The following RASAL2 variants were observed in gnomAD, a reference collection of about 807,000 sequenced individuals.
RASAL2 encodes the protein RAS protein activator like 2.
In RASAL2, 58 loss-of-function variants were observed where a neutral mutation model predicts 128.9. That is an observed-to-expected ratio of 0.45 (90% CI 0.36 to 0.56). The LOEUF is 0.56. Among genes scored for constraint, RASAL2 ranks in the 20% least tolerant of loss-of-function variants. The probability of loss-of-function intolerance (pLI) is 0.00; values close to 1 mark genes in which losing one functional copy is unlikely to be tolerated. For synonymous variants in RASAL2, 561 were observed against 580.8 expected, an observed-to-expected ratio of 0.97 and a Z score of 0.49; for missense variants, 1,360 against 1,601.6, an observed-to-expected ratio of 0.85 and a Z score of 2.57.
At chr1:178,147,162 G>T (rs1005724563) in intron 1 of RASAL2, among the ~76,000 whole-genome samples, 1 of 152,036 alleles carries the variant, frequency 6.6e-6, no homozygotes, top group Non-Finnish European at 1.5e-5. Flanking sequence ...TATTTTAATT[G>T]TCTTCATCTC....
intron 1 of RASAL2, among the ~76,000 whole-genome samples, chr1:178,160,200 ACAT>A (rs1661230962): frequency 1.3e-5 from 2 of 151,832 alleles, no homozygotes; most frequent in South Asian, 4.1e-4. Context: ...GAAAAAAGAA[ACAT>A]CATTACTTAA....
intron 1 of RASAL2, among the ~76,000 whole-genome samples, chr1:178,249,006 G>A (rs540426351): frequency 4.6e-5 from 7 of 152,246 alleles, no homozygotes; most frequent in African/African-American, 1.7e-4. Context: ...AGAATCTGAT[G>A]ATTATGTGTC....
intron 1 of RASAL2, among the ~76,000 whole-genome samples, chr1:178,221,969 T>G (rs1012755740): frequency 2.0e-5 from 3 of 152,226 alleles, no homozygotes; most frequent in Admixed American, 2.0e-4. Context: ...TAAGGATTGT[T>G]AAATTTTCTT....
At chr1:178,132,184 G>A (rs1335258410) in intron 1 of RASAL2, among the ~76,000 whole-genome samples, 1 of 151,948 alleles carries the variant, frequency 6.6e-6, no homozygotes, top group Admixed American at 6.6e-5. Context: ...GGGACTGCAA[G>A]TGTATACCAC....
chr1:178,198,428 G>A (rs1157380264), intron 1 of RASAL2, among the ~76,000 whole-genome samples: 1 of 152,178 alleles, frequency 6.6e-6, no homozygotes, highest in Non-Finnish European at 1.5e-5. Context: ...CCATCTTTGT[G>A]GTTTTATCTA....
chr1:178,415,639 G>T (rs2102724977), intron 4 of RASAL2, among the ~76,000 whole-genome samples: 1 of 152,126 alleles, frequency 6.6e-6, no homozygotes, highest in East Asian at 1.9e-4. Context: ...CTGCCTGCTA[G>T]ATCTGTCCAT....
chr1:178,183,491 C>T (rs1173698954), intron 1 of RASAL2, among the ~76,000 whole-genome samples: 2 of 152,174 alleles, frequency 1.3e-5, no homozygotes, highest in Non-Finnish European at 2.9e-5. Context: ...CTGTTCAGTA[C>T]CCCCGACCCA....
intron 1 of RASAL2, among the ~76,000 whole-genome samples, chr1:178,170,700 C>T (rs1200028635): frequency 1.3e-5 from 2 of 151,320 alleles, no homozygotes; most frequent in African/African-American, 4.8e-5. Flanking sequence ...TATTATATAT[C>T]CATGAGCTCT....
chr1:178,470,951 T>G (rs1029020192), intron 17 of RASAL2, among the ~76,000 whole-genome samples: 2 of 152,172 alleles, frequency 1.3e-5, no homozygotes, highest in Non-Finnish European at 2.9e-5. Context: ...TTTTAACTTT[T>G]TTGTTTTATT....
At chr1:178,252,179 A>T (rs1014072270) in intron 1 of RASAL2, among the ~76,000 whole-genome samples, 1 of 152,194 alleles carries the variant, frequency 6.6e-6, no homozygotes, top group African/African-American at 2.4e-5. Flanking sequence ...TTTTAAAATT[A>T]ATTCTGAGGA....
intron 14 of RASAL2, among the ~76,000 whole-genome samples, chr1:178,459,096 AAGAT>A (rs1353772092): frequency 2.0e-5 from 3 of 152,192 alleles, no homozygotes; most frequent in African/African-American, 7.2e-5. Flanking sequence ...AGAGAGTAAA[AAGAT>A]AGAAGCACAG....
intron 14 of RASAL2, among the ~76,000 whole-genome samples, chr1:178,461,682 G>GT (rs1210243030): frequency 2.0e-5 from 3 of 152,168 alleles, no homozygotes; most frequent in African/African-American, 7.2e-5. Context: ...TGATGCTGCA[G>GT]TTTTCACATT....
chr1:178,271,087 A>G (rs1666228722), intron 1 of RASAL2, among the ~76,000 whole-genome samples: 1 of 152,166 alleles, frequency 6.6e-6, no homozygotes, highest in African/African-American at 2.4e-5. Flanking sequence ...ATTTATCTAT[A>G]TAATGGGCGA....
intron 1 of RASAL2, among the ~76,000 whole-genome samples, chr1:178,255,364 A>G (rs1352444794): frequency 1.3e-5 from 2 of 152,176 alleles, no homozygotes; most frequent in Non-Finnish European, 2.9e-5. Flanking sequence ...GCATAAAATA[A>G]TATGTATATT....
At chr1:178,153,985 G>A (rs548448763) in intron 1 of RASAL2, among the ~76,000 whole-genome samples, 73 of 151,934 alleles carry the variant, frequency 4.8e-4, no homozygotes, top group African/African-American at 1.6e-3. Context: ...ATAGGCGCCC[G>A]CCACCACGCC....
At chr1:178,121,986 T>C (rs1659735194) in intron 1 of RASAL2, among the ~76,000 whole-genome samples, 1 of 152,190 alleles carries the variant, frequency 6.6e-6, no homozygotes, top group Non-Finnish European at 1.5e-5. Context: ...GTTTTTTTTC[T>C]GGAGGCTTTT....
At chr1:178,177,955 C>A (rs2101923104) in intron 1 of RASAL2, among the ~76,000 whole-genome samples, 1 of 152,272 alleles carries the variant, frequency 6.6e-6, no homozygotes, top group South Asian at 2.1e-4. Context: ...TCAAACTATT[C>A]AGTGGAGAAA....
At chr1:178,195,833 A>T (rs1662641335) in intron 1 of RASAL2, among the ~76,000 whole-genome samples, 1 of 152,140 alleles carries the variant, frequency 6.6e-6, no homozygotes, top group Non-Finnish European at 1.5e-5. Context: ...AAAGACACTG[A>T]ATCTGCTGTC....
chr1:178,113,987 A>G (rs1571492810), intron 1 of RASAL2, among the ~76,000 whole-genome samples: 1 of 152,180 alleles, frequency 6.6e-6, no homozygotes, highest in African/African-American at 2.4e-5. Context: ...TTGCTAGTAT[A>G]TAGGCATACA....
Sources: allele counts gnomAD v4.1 joint callset (sites outside exome capture counted in the v4.1 genomes callset), GRCh38; gene constraint gnomAD v4.1.1; transcripts MANE v1.5; gene names NCBI Gene and HGNC (gene_info 2026-07-23, HGNC 2026-07-21).